The following MACROD2 variants were observed in gnomAD, a reference collection of about 807,000 sequenced individuals.
The protein encoded by MACROD2 is ADP-ribose glycohydrolase MACROD2.
Under a neutral mutation model 70.4 loss-of-function variants are expected in MACROD2, and 36 were observed. The ratio of observed to expected loss-of-function variants is 0.51; its 90% CI spans 0.39 to 0.68. MACROD2 has a LOEUF of 0.68. MACROD2 is among the 30% of genes least tolerant of loss of function. The pLI, the probability that MACROD2 is intolerant of heterozygous loss-of-function variation, is 0.00. For synonymous variants in MACROD2, 172 were observed against 178.8 expected, an observed-to-expected ratio of 0.96 and a Z score of 0.30; for missense variants, 496 against 538.4, an observed-to-expected ratio of 0.92 and a Z score of 0.78.
chr20:14,809,805 C>A (rs1201859216), intron 5 of MACROD2, among the ~76,000 whole-genome samples: 1 of 152,050 alleles, frequency 6.6e-6, no homozygotes, highest in African/African-American at 2.4e-5. Context: ...AGTATAAACA[C>A]CTCTATGCAA....
intron 3 of MACROD2, among the ~76,000 whole-genome samples, chr20:14,454,934 A>G (rs1412089763): frequency 6.6e-6 from 1 of 151,850 alleles, no homozygotes; most frequent in African/African-American, 2.4e-5. Flanking sequence ...TTGTATTTTT[A>G]GTAGAGACGG....
Position 14,326,168 on chromosome 20 carries a change from G to T in MACROD2, c.272-167311G>T, listed in dbSNP as rs1306962712. 6.2e-7 allele frequency: 1 copy of T among 1,613,834 alleles called. No homozygotes were observed. The highest frequency in any genetic ancestry group is 1.1e-5 in the South Asian group (1 of 91,076). On this transcript the variant is annotated intron_variant, in intron 3 of 17. Coordinates refer to ENST00000684519, the MANE Select transcript of MACROD2 (RefSeq NM_001351661.2). This position sits in a 1 kb window ranked among gnomAD's most constrained non-coding sequence, Gnocchi z 5.5. ...GTTTCTGTTATAGATCCAAATGCCGGGCTATGGCCCAGTTTAAGCCAGCTG... is the reference window on the plus strand; with the variant it reads ...GTTTCTGTTATAGATCCAAATGCCGTGCTATGGCCCAGTTTAAGCCAGCTG...
At chr20:15,500,383 A>C (rs1437391534) in intron 8 of MACROD2, among the ~76,000 whole-genome samples, 1 of 152,168 alleles carries the variant, frequency 6.6e-6, no homozygotes, top group African/African-American at 2.4e-5. Context: ...AGTATTCATC[A>C]TCCTCCTATT....
intron 3 of MACROD2, among the ~76,000 whole-genome samples, chr20:14,422,052 C>G (rs1230569788): frequency 3.9e-5 from 6 of 152,054 alleles, no homozygotes; most frequent in African/African-American, 1.4e-4. Context: ...TCCTTCAATT[C>G]TAGGAATGTT....
intron 6 of MACROD2, among the ~76,000 whole-genome samples, chr20:15,384,936 GCTT>G (rs1228625197): frequency 1.3e-5 from 2 of 152,084 alleles, no homozygotes; most frequent in African/African-American, 4.8e-5. Flanking sequence ...ATCTGGCTCT[GCTT>G]CTTGACAAGT....
chr20:15,580,680 C>A (rs2048511315), intron 8 of MACROD2, among the ~76,000 whole-genome samples: 1 of 152,134 alleles, frequency 6.6e-6, no homozygotes, highest in Non-Finnish European at 1.5e-5. Flanking sequence ...TGCTGAAAAT[C>A]AACTGACAAA....
At chr20:14,754,734 A>T (rs907803396) in intron 5 of MACROD2, among the ~76,000 whole-genome samples, 1 of 151,688 alleles carries the variant, frequency 6.6e-6, no homozygotes, top group Admixed American at 6.6e-5. Context: ...TTGAAATCAG[A>T]TAATATCTGT....
intron 2 of MACROD2, 39 bp downstream of exon 2, chr20:14,002,443 C>G (rs199921046): frequency 7.8e-7 from 1 of 1,285,672 alleles, no homozygotes; most frequent in Admixed American, 2.0e-5. Flanking sequence ...GATATTTTTC[C>G]CATTTTAGGA....
intron 3 of MACROD2, among the ~76,000 whole-genome samples, chr20:14,101,281 A>G (rs1188264946): frequency 6.6e-6 from 1 of 152,072 alleles, no homozygotes. Context: ...TTTGCAATTC[A>G]TTCAATAAAT....
intron 2 of MACROD2, among the ~76,000 whole-genome samples, chr20:14,042,854 T>C (rs1467192776): frequency 6.6e-6 from 1 of 151,974 alleles, no homozygotes; most frequent in Non-Finnish European, 1.5e-5. Context: ...AGCCCAGAAG[T>C]TGAGGGTTCA....
At chr20:15,494,490 A>G (rs1272055301) in intron 7 of MACROD2, among the ~76,000 whole-genome samples, 3 of 152,262 alleles carry the variant, frequency 2.0e-5, no homozygotes, top group Non-Finnish European at 4.4e-5. Flanking sequence ...ATGCAACACT[A>G]CAATGAAATA....
At chr20:14,481,719 C>G (rs2084665574) in intron 3 of MACROD2, among the ~76,000 whole-genome samples, 1 of 152,170 alleles carries the variant, frequency 6.6e-6, no homozygotes, top group Non-Finnish European at 1.5e-5. Flanking sequence ...TGAAAGGACT[C>G]AAGCATTGGA....
intron 3 of MACROD2, among the ~76,000 whole-genome samples, chr20:14,283,542 A>T (rs1167230287): frequency 2.6e-5 from 4 of 152,218 alleles, no homozygotes; most frequent in African/African-American, 9.7e-5. Flanking sequence ...TTATAAGAAG[A>T]TATGCTAGAG....
intron 5 of MACROD2, among the ~76,000 whole-genome samples, chr20:14,703,889 G>T (rs1226980410): frequency 2.6e-5 from 4 of 151,822 alleles, no homozygotes; most frequent in Admixed American, 6.6e-5. Context: ...ACCACACCTG[G>T]CTAATTTTTT....
At chr20:16,039,498 A>G (rs2067279174) in intron 15 of MACROD2, among the ~76,000 whole-genome samples, 1 of 149,082 alleles carries the variant, frequency 6.7e-6, no homozygotes, top group African/African-American at 2.4e-5. Context: ...TTTTCCCTCA[A>G]TTTGTAGCTT....
rs571772852 is a variant in MACROD2, at chr20:15,581,420, C to A, written c.645+81573C>A. On this transcript the variant is annotated intron_variant, in intron 8 of 17. Transcript: ENST00000684519. ...TGATGAAACTTTTTTTCTCTTTGTG[C>A]CTCTGTGACCTCCAGTTATTTCAGT... 7.2e-5 allele frequency among the ~76,000 whole-genome samples: 11 copies of A among 152,196 alleles called. No individual in the cohort carries two copies. In the South Asian group the frequency reaches 2.3e-3, roughly 32 times the overall value.
chr20:14,599,746 CAG>C (rs1303071116), intron 4 of MACROD2, among the ~76,000 whole-genome samples: 1 of 152,062 alleles, frequency 6.6e-6, no homozygotes, highest in African/African-American at 2.4e-5. Context: ...CTGAATAGGG[CAG>C]ACAGTGACAG....
chr20:15,239,355 T>G (rs175304), intron 6 of MACROD2, among the ~76,000 whole-genome samples: 42,484 of 151,842 alleles, frequency 0.28, 6,167 homozygotes, highest in African/African-American at 0.34. Flanking sequence ...TATGTACAAT[T>G]CAATGGAGTT....
At chr20:14,073,724 G>A (rs1335981077) in intron 2 of MACROD2, among the ~76,000 whole-genome samples, 4 of 152,102 alleles carry the variant, frequency 2.6e-5, no homozygotes, top group African/African-American at 9.7e-5. Context: ...TCTCTGACAT[G>A]TATTATAAAC....
Sources: allele counts gnomAD v4.1 joint callset (sites outside exome capture counted in the v4.1 genomes callset), GRCh38; gene constraint gnomAD v4.1.1; non-coding constraint Gnocchi (gnomAD v3.1); transcripts MANE v1.5; gene names NCBI Gene and HGNC (gene_info 2026-07-23, HGNC 2026-07-21).